Variants in MMP9 observed in about 807,000 individuals in gnomAD.
MMP9 encodes the protein matrix metallopeptidase 9.
In MMP9, 73 loss-of-function variants were observed where a neutral mutation model predicts 76.4. The ratio of observed to expected loss-of-function variants is 0.96; its 90% CI spans 0.79 to 1.16. The LOEUF is 1.16. Among genes scored for constraint, MMP9 ranks in the 50% most tolerant of loss-of-function variants. The probability of loss-of-function intolerance (pLI) is 0.00; values close to 1 mark genes in which losing one functional copy is unlikely to be tolerated. For missense variants in MMP9, 943 were observed against 973.0 expected, an observed-to-expected ratio of 0.97 and a Z score of 0.41; for synonymous variants, 412 against 408.4, an observed-to-expected ratio of 1.01 and a Z score of -0.11.
intron 8 of MMP9, among the ~76,000 whole-genome samples, 197 bp downstream of exon 8, chr20:46,012,779 G>A (rs934354660): frequency 2.0e-5 from 3 of 152,174 alleles, no homozygotes; most frequent in African/African-American, 7.2e-5. Context: ...AGACTCTAGA[G>A]AGAGATAGGT....
rs2084272401 is a variant in MMP9, at chr20:46,010,603, A to G, written c.492A>G (p.Ala164=). 1.1e-5 allele frequency: 17 copies of G among 1,613,878 alleles called. No individual in the cohort carries two copies. The highest frequency in any genetic ancestry group is 1.4e-5 in the Non-Finnish European group (16 of 1,179,922). ...TCACTCGCGTGTACAGCCGGGACGC[A>G]GACATCGTCATCCAGTTTGGTGTCG... The part of the protein sequence containing the change: ...LTFTRVYSRD[A]DIVIQFGVAE... The change falls in exon 3 of 13, where the codon GCA becomes GCG. Residue 164 remains alanine (A), a synonymous_variant. Transcript: ENST00000372330.
rs2145451546 is a variant in MMP9, at chr20:46,010,376, C to T, written c.372-107C>T. On this transcript the variant is annotated intron_variant, in intron 2 of 12. Transcript: ENST00000372330. ...AGCAATTTATAGATGAGAGCGTGGA[C>T]GGCAGAGAGCATTGTGTATGTTGAA... 2.9e-6 allele frequency: 3 copies of T among 1,041,524 alleles called. No individual in the cohort carries two copies. The East Asian group carries it at 6.9e-5, about 24-fold the overall frequency. 64.5% of individuals were successfully genotyped at this position (1,041,524 alleles called of 1,614,324 possible).
Position 46,011,561 on chromosome 20 carries a change from C to G in MMP9, c.824-13C>G. On this transcript the variant is annotated splice_polypyrimidine_tract_variant and intron_variant, in intron 5 of 12. Transcript: ENST00000372330. ...CCGCCTTCTCCCCCTTTCCCACATC[C>G]TCCTCGCCCCAGGACTCTACACCCA... 6.2e-7 allele frequency: 1 copy of G among 1,613,990 alleles called. No homozygotes were observed. The highest frequency in any genetic ancestry group is 8.5e-7 in the Non-Finnish European group (1 of 1,179,940).
intron 5 of MMP9, 105 bp from the exon 6 acceptor site, chr20:46,011,469 G>A (rs984486335): frequency 1.6e-5 from 25 of 1,560,432 alleles, no homozygotes; most frequent in Admixed American, 3.3e-5. Flanking sequence ...GATGAGAGAT[G>A]GGATGAACTG....
chr20:46,012,811 C>T (rs1457695651), intron 8 of MMP9, among the ~76,000 whole-genome samples: 1 of 152,214 alleles, frequency 6.6e-6, no homozygotes, highest in Non-Finnish European at 1.5e-5. Context: ...AGCCAGTCTA[C>T]TCTGGGCATG....
intron 1 of MMP9, among the ~76,000 whole-genome samples, chr20:46,009,474 A>T (rs1676037781): frequency 6.6e-6 from 1 of 152,028 alleles, no homozygotes; most frequent in Non-Finnish European, 1.5e-5. Flanking sequence ...GTGTCTGGAA[A>T]GCATTTAATG....
Position 46,014,118 on chromosome 20 carries a change from C to T in MMP9, c.1751-6C>T, listed in dbSNP as rs1437757588. On this transcript the variant is annotated splice_region_variant and splice_polypyrimidine_tract_variant and intron_variant, in intron 10 of 12. Transcript: ENST00000372330. ...CCCAAACCGACGTGACCCTCCTCCC[C>T]TGCAGGGCGCCAGGTGTGGGTGTAC... 2 of 1,534,944 alleles carry T rather than the reference C, an allele frequency of 1.3e-6. No individual in the cohort carries two copies. The highest frequency in any genetic ancestry group is 8.7e-7 in the Non-Finnish European group (1 of 1,146,628).
At position 46,011,674 on chromosome 20, in the gene MMP9, C is replaced by G. The variant is rs202087219; in HGVS notation, c.924C>G (p.Ser308=). 1.9e-6 allele frequency: 3 copies of G among 1,614,100 alleles called. No homozygotes were observed. Among genetic ancestry groups the G allele is most frequent in the Non-Finnish European group, 2.5e-6 (3 of 1,180,046 alleles). The change falls in exon 6 of 13, where the codon TCC becomes TCG. Residue 308 remains serine (S), a synonymous_variant. Transcript: ENST00000372330. ...SYSACTTDGR[S]DGYRWCATTA... ...CCGCCTGCACCACGGACGGTCGCTCCGACGGCTACCGCTGGTGCGCCACCA... is the reference window on the plus strand; with the variant it reads ...CCGCCTGCACCACGGACGGTCGCTCGGACGGCTACCGCTGGTGCGCCACCA...
intron 8 of MMP9, among the ~76,000 whole-genome samples, chr20:46,012,942 T>C (rs1460636200): frequency 6.6e-6 from 1 of 152,042 alleles, no homozygotes; most frequent in East Asian, 1.9e-4. Context: ...AAAAAATAAA[T>C]GAGCAAGGCG....
rs2084306306 is a variant in MMP9 at position 46,014,366 on chromosome 20, C to G, written c.1902-5C>G. The G allele has an allele frequency of 6.5e-7, 1 of 1,547,086 alleles. No individual in the cohort carries two copies. Among genetic ancestry groups the G allele is most frequent in the East Asian group, 2.4e-5 (1 of 40,924 alleles). The stretch of plus-strand genomic sequence containing the variant: ...AGCACCTGTCTCCTCCGCGCCTGCC[C>G]GCAGGTTCGACGTGAAGGCGCAGAT... On this transcript the variant is annotated splice_region_variant and splice_polypyrimidine_tract_variant and intron_variant, in intron 11 of 12. Transcript: ENST00000372330.
At position 46,011,040 on chromosome 20, in the gene MMP9, C is replaced by T; in HGVS notation, c.639C>T (p.Gly213=). ...HFDDDELWSL[G]KGVVVPTRFG... is the part of the protein sequence containing the mutation. The stretch of plus-strand genomic sequence containing the variant: ...ACGATGACGAGTTGTGGTCCCTGGG[C>T]AAGGGCGTCGGTGAGATTCTGAGTC... Residue 213 remains glycine, a synonymous_variant, in exon 4 of 13, where the codon GGC becomes GGT. Transcript: ENST00000372330. The T allele has an allele frequency of 6.2e-7, 1 of 1,610,328 alleles. No individual in the cohort carries two copies. Among genetic ancestry groups the T allele is most frequent in the African/African-American group, 1.3e-5 (1 of 74,926 alleles).
chr20:46,012,200 TG>T lies in MMP9; in HGVS notation c.1064del (p.Gly355ValfsTer55), dbSNP rs779334607. 2.5e-6 allele frequency: 4 copies of T among 1,614,128 alleles called. No homozygotes were observed. In the East Asian group the frequency reaches 6.7e-5, roughly 27 times the overall value. Reference protein sequence around the residue: ...GELCVFPFTFLGKEYSTCTSE... With the variant: ...GELCVFPFTFXGKEYSTCTSE... Reference sequence around the variant, plus strand: ...CTGTGCGTCTTCCCCTTCACTTTCCTGGGTAAGGAGTACTCGACCTGTACCA... The same window carrying T: ...CTGTGCGTCTTCCCCTTCACTTTCCTGGTAAGGAGTACTCGACCTGTACCA... On this transcript the variant is annotated frameshift_variant, in exon 7 of 13. Transcript: ENST00000372330. LOFTEE classifies it high-confidence loss of function.
In MMP9 at chr20:46,014,216, G is replaced by T. The variant is rs573936612; in HGVS notation, c.1843G>T (p.Gly615Trp). ...GGGAGCCGACGTGGCCCAGGTGACC[G>T]GGGCCCTCCGGAGTGGCAGGGGGAA... is the stretch of plus-strand genomic sequence containing the variant. ...GLGADVAQVTGALRSGRGKML... is the reference protein window; with the variant it reads ...GLGADVAQVTWALRSGRGKML... The change falls in exon 11 of 13, where the codon GGG becomes TGG. Residue 615 changes from glycine (G) to tryptophan (W), a missense_variant. Physicochemically the swap from Gly to Trp is radical, Grantham distance 184. Transcript: ENST00000372330. 5.9e-6 allele frequency: 9 copies of T among 1,537,296 alleles called. No homozygotes were observed. In the East Asian group the frequency reaches 2.2e-4, roughly 38 times the overall value.
At chr20:46,014,955 A>G (rs1375794363) in intron 12 of MMP9, among the ~76,000 whole-genome samples, 1 of 152,192 alleles carries the variant, frequency 6.6e-6, no homozygotes, top group East Asian at 1.9e-4. Flanking sequence ...CAAGGTGAAC[A>G]AGATTTCCTG....
intron 5 of MMP9, 91 bp downstream of exon 5, chr20:46,011,407 G>T: frequency 3.2e-6 from 5 of 1,575,178 alleles, no homozygotes; most frequent in Non-Finnish European, 4.3e-6. Flanking sequence ...GTGCTGTGTG[G>T]CCTGCAATTC....
Position 46,011,066 on chromosome 20 carries a change from C to G in MMP9, c.649+16C>G, listed in dbSNP as rs757086651. 1 of 1,613,732 alleles carries G rather than the reference C, an allele frequency of 6.2e-7. No individual in the cohort carries two copies. The highest frequency in any genetic ancestry group is 2.2e-5 in the East Asian group (1 of 44,876). On this transcript the variant is annotated intron_variant, in intron 4 of 12. Transcript: ENST00000372330. Reference sequence around the variant, plus strand: ...AAGGGCGTCGGTGAGATTCTGAGTCCTCCTGGCCCCTGATTCCCTTCATTC... The same window carrying G: ...AAGGGCGTCGGTGAGATTCTGAGTCGTCCTGGCCCCTGATTCCCTTCATTC...
chr20:46,008,976 G>A lies in MMP9; in HGVS notation c.50G>A (p.Cys17Tyr), dbSNP rs199986473. ...CTGGTGCTCCTGGTGCTGGGCTGCT[G>A]CTTTGCTGCCCCCAGACAGCGCCAG... is the stretch of plus-strand genomic sequence containing the variant. ...LVLVLLVLGC[C>Y]FAAPRQRQST... The change falls in exon 1 of 13, where the codon TGC becomes TAC. Residue 17 changes from cysteine (C) to tyrosine (Y), a missense_variant. By Grantham distance (194) the Cys-to-Tyr change is radical. Transcript: ENST00000372330. The A allele has an allele frequency of 1.3e-5, 21 of 1,614,000 alleles. No homozygotes were observed. Among genetic ancestry groups the A allele is most frequent in the Non-Finnish European group, 1.7e-5 (20 of 1,179,962 alleles).
At chr20:46,010,785 G>T in intron 3 of MMP9, 137 bp from the exon 4 acceptor site, 1 of 1,560,712 alleles carries the variant, frequency 6.4e-7, no homozygotes. Flanking sequence ...AGTGCACAGG[G>T]CCAGGGCGCC....
In MMP9 at chr20:46,013,133, G is replaced by A. The variant is rs2084294970; in HGVS notation, c.1331-122G>A. On this transcript the variant is annotated intron_variant, in intron 8 of 12. Coordinates refer to ENST00000372330, the MANE Select transcript of MMP9 (RefSeq NM_004994.3). This position sits in a 1 kb window ranked among gnomAD's most constrained non-coding sequence, Gnocchi z 4.5. ...AAAGTCCTGTGGTTTGGGAAGGGAG[G>A]CTGAGTGAGGAGGGGCCTGTGTGCC... 1 of 1,156,190 alleles carries A rather than the reference G, an allele frequency of 8.6e-7. No individual in the cohort carries two copies. The highest frequency in any genetic ancestry group is 1.3e-6 in the Non-Finnish European group (1 of 768,656). The allele number at this position is 1,156,190 out of a possible 1,614,324, so 71.6% of individuals were successfully genotyped here.
Sources: gnomAD v4.1 joint callset for allele counts (sites outside exome capture counted in the v4.1 genomes callset) on GRCh38, gnomAD v4.1.1 for gene constraint, Gnocchi (gnomAD v3.1) non-coding constraint, MANE v1.5 for transcripts, NCBI Gene and HGNC (gene_info 2026-07-23, HGNC 2026-07-21) for gene names.